The following UNC13C variants were observed in gnomAD, a reference collection of about 807,000 sequenced individuals.
The protein encoded by UNC13C is unc-13 homolog C.
UNC13C carries 174 observed loss-of-function variants against 245.4 expected under a neutral mutation model. That is an observed-to-expected ratio of 0.71 (90% CI 0.63 to 0.80). The LOEUF (loss-of-function observed/expected upper bound fraction) is 0.80, where lower values mean the gene tolerates loss of function less well. UNC13C is among the 30% of genes least tolerant of loss of function. The probability of loss-of-function intolerance (pLI) is 0.00; values close to 1 mark genes in which losing one functional copy is unlikely to be tolerated. For synonymous variants in UNC13C, 992 were observed against 895.1 expected (o/e 1.11, Z -1.93); for missense variants, 2,829 against 2,602.9 (o/e 1.09, Z -1.89).
intron 30 of UNC13C, among the ~76,000 whole-genome samples, chr15:54,585,085 C>T (rs1220100907): frequency 1.3e-5 from 2 of 152,096 alleles, no homozygotes; most frequent in African/African-American, 2.4e-5. Flanking sequence ...CTAATAGAAC[C>T]TCTCATTATT....
chr15:54,373,384 G>T (rs373193215), intron 17 of UNC13C, among the ~76,000 whole-genome samples: 1 of 152,152 alleles, frequency 6.6e-6, no homozygotes, highest in African/African-American at 2.4e-5. Context: ...TGTGCTACTG[G>T]CCTGGATCCC....
At chr15:54,584,692 A>C (rs907752984) in intron 30 of UNC13C, among the ~76,000 whole-genome samples, 1 of 152,378 alleles carries the variant, frequency 6.6e-6, no homozygotes, top group East Asian at 1.9e-4. Context: ...CATTCTTCGT[A>C]TTCACTAAGA....
chr15:54,189,420 C>A (rs544214964), intron 4 of UNC13C, among the ~76,000 whole-genome samples: 1 of 152,194 alleles, frequency 6.6e-6, no homozygotes, highest in Admixed American at 6.6e-5. Context: ...ACAACAGCGT[C>A]ATGACACCAG....
At chr15:54,373,480 C>A (rs2039538139) in intron 17 of UNC13C, among the ~76,000 whole-genome samples, 1 of 152,142 alleles carries the variant, frequency 6.6e-6, no homozygotes. Flanking sequence ...CACAGCCAGG[C>A]ACACTGGCTG....
intron 8 of UNC13C, among the ~76,000 whole-genome samples, chr15:54,251,249 A>G (rs575580500): frequency 2.6e-5 from 4 of 152,166 alleles, no homozygotes; most frequent in Non-Finnish European, 5.9e-5. Context: ...GGCCTTGGAA[A>G]TGGGATGTCT....
chr15:54,150,003 G>T (rs184311391), intron 4 of UNC13C, among the ~76,000 whole-genome samples: 189 of 152,272 alleles, frequency 1.2e-3, no homozygotes, highest in African/African-American at 4.5e-3. Context: ...TCTCTGACAG[G>T]GGATCCTGGA....
At chr15:53,859,172 C>A in the UNC13C span, among the ~76,000 whole-genome samples, 1 of 152,036 alleles carries the variant, frequency 6.6e-6, no homozygotes, top group Non-Finnish European at 1.5e-5. Flanking sequence ...CCTATGAAGT[C>A]TTTGTAATAT....
chr15:53,901,018 A>G, the UNC13C span, among the ~76,000 whole-genome samples: 1 of 152,130 alleles, frequency 6.6e-6, no homozygotes, highest in Non-Finnish European at 1.5e-5. Context: ...ATACATCTCT[A>G]AAAATGTGGA....
chr15:53,995,487 T>A (rs1894588374), intron 1 of UNC13C, among the ~76,000 whole-genome samples: 1 of 68,402 alleles, frequency 1.5e-5, no homozygotes, highest in Non-Finnish European at 2.7e-5. Flanking sequence ...CCCCTGAAAG[T>A]TTTTTCAATG....
intron 2 of UNC13C, chr15:54,050,118 C>T (rs574369867): frequency 7.7e-5 from 26 of 337,392 alleles, no homozygotes; most frequent in Middle Eastern, 1.1e-3. Flanking sequence ...TACAGGCGCC[C>T]GCCACCACGC....
intron 2 of UNC13C, among the ~76,000 whole-genome samples, chr15:54,073,714 C>G (rs1418999262): frequency 6.6e-6 from 1 of 152,128 alleles, no homozygotes; most frequent in African/African-American, 2.4e-5. Context: ...CCTTTGCCTA[C>G]TTTTTGATGG....
chr15:54,292,925 G>T (rs908495876), intron 10 of UNC13C, among the ~76,000 whole-genome samples: 2 of 147,700 alleles, frequency 1.4e-5, no homozygotes, highest in African/African-American at 4.9e-5. Flanking sequence ...ATTATATATA[G>T]AGATAGATAT....
intron 30 of UNC13C, among the ~76,000 whole-genome samples, chr15:54,590,043 G>A (rs1358456968): frequency 6.6e-6 from 1 of 152,076 alleles, no homozygotes; most frequent in Non-Finnish European, 1.5e-5. Flanking sequence ...TCTTGCAAAC[G>A]GTGTCCTTTT....
At chr15:53,904,686 G>A in the UNC13C span, among the ~76,000 whole-genome samples, 2 of 152,192 alleles carry the variant, frequency 1.3e-5, no homozygotes, top group Admixed American at 1.3e-4. Flanking sequence ...TGAATAAAAT[G>A]TTATTTTCAT....
At chr15:54,356,099 T>A (rs771287642) in intron 17 of UNC13C, among the ~76,000 whole-genome samples, 1 of 152,212 alleles carries the variant, frequency 6.6e-6, no homozygotes, top group Non-Finnish European at 1.5e-5. Context: ...TTCCACTGAA[T>A]GGACATTTCA....
intron 19 of UNC13C, among the ~76,000 whole-genome samples, chr15:54,420,727 A>G (rs1038680880): frequency 1.3e-5 from 2 of 151,996 alleles, no homozygotes; most frequent in African/African-American, 4.8e-5. Context: ...AGCCCTTCCC[A>G]TAACAACAGG....
At chr15:54,205,828 A>G (rs2034690805) in intron 4 of UNC13C, among the ~76,000 whole-genome samples, 2 of 152,084 alleles carry the variant, frequency 1.3e-5, no homozygotes, top group East Asian at 3.9e-4. Flanking sequence ...AGGACACAAC[A>G]GTAGTGTGTC....
At chr15:54,356,873 A>G (rs1479138363) in intron 17 of UNC13C, among the ~76,000 whole-genome samples, 3 of 152,128 alleles carry the variant, frequency 2.0e-5, no homozygotes, top group Non-Finnish European at 2.9e-5. Context: ...ATAAGTTTAA[A>G]CATATTTGTA....
intron 4 of UNC13C, among the ~76,000 whole-genome samples, 159 bp downstream of exon 4, chr15:54,143,843 A>G (rs184199919): frequency 5.6e-4 from 86 of 152,314 alleles, no homozygotes; most frequent in Non-Finnish European, 9.3e-4. Flanking sequence ...TTCTTAAAAA[A>G]ATGTAATACA....
Sources: allele counts gnomAD v4.1 joint callset (sites outside exome capture counted in the v4.1 genomes callset), GRCh38; gene constraint gnomAD v4.1.1; transcripts MANE v1.5; gene names NCBI Gene and HGNC (gene_info 2026-07-23, HGNC 2026-07-21).